The following GABRA3 variants were observed in gnomAD, a reference collection of about 807,000 sequenced individuals.
The protein encoded by GABRA3 is gamma-aminobutyric acid receptor subunit alpha-3.
Under a neutral mutation model 30.1 loss-of-function variants are expected in GABRA3, and 10 were observed. That is an observed-to-expected ratio of 0.33 (90% CI 0.20 to 0.56). GABRA3 has a LOEUF of 0.56. Ranked by LOEUF, GABRA3 falls within the 20% of genes least tolerant of loss-of-function variation. GABRA3 has a pLI of 0.89. For missense variants in GABRA3, 233 were observed against 392.0 expected (o/e 0.59, Z 3.42); for synonymous variants, 151 against 146.8 (o/e 1.03, Z -0.21).
At chrX:152,323,921 C>T (rs899787244) in intron 3 of GABRA3, among the ~76,000 whole-genome samples, 2 of 112,183 alleles carry the variant, frequency 1.8e-5, no homozygotes, top group African/African-American at 6.5e-5. Flanking sequence ...GCTTTGGAAA[C>T]TAGCCCTTTG....
chrX:152,425,362 A>G lies in GABRA3; in HGVS notation c.-27+25784T>C, dbSNP rs1034311519. 9.9e-5 allele frequency among the ~76,000 whole-genome samples: 11 copies of G among 110,851 alleles called. No individual in the cohort carries two copies. The Middle Eastern group carries it at 0.014, about 141-fold the overall frequency. ...TAGAATCCATATGTACGTTTCAACA[A>G]TTGTCCCAATAACGCTCTCTATAGT... On this transcript the variant is annotated intron_variant, in intron 1 of 9. Coordinates refer to ENST00000370314, the MANE Select transcript of GABRA3 (RefSeq NM_000808.4).
chrX:152,233,867 T>TA (rs1194398980), intron 5 of GABRA3, among the ~76,000 whole-genome samples: 2 of 106,467 alleles, frequency 1.9e-5, no homozygotes, highest in Admixed American at 1.0e-4. Flanking sequence ...TATGCAGCCA[T>TA]AAAAAAGGAT....
chrX:152,395,497 C>T (rs1020462679), intron 1 of GABRA3, among the ~76,000 whole-genome samples: 3 of 111,162 alleles, frequency 2.7e-5, no homozygotes, highest in African/African-American at 9.8e-5. Flanking sequence ...TCCATTCAGA[C>T]GCATGTCCCT....
chrX:152,328,346 T>C (rs1446034693), intron 3 of GABRA3, among the ~76,000 whole-genome samples: 1 of 111,739 alleles, frequency 8.9e-6, no homozygotes, highest in Admixed American at 9.5e-5. Context: ...CTAACTCATT[T>C]TATGGGGCTA....
At chrX:152,205,421 T>A (rs1937526702) in intron 7 of GABRA3, among the ~76,000 whole-genome samples, 1 of 111,919 alleles carries the variant, frequency 8.9e-6, no homozygotes, top group African/African-American at 3.2e-5. Context: ...AAAAGAAGGG[T>A]CTTTACAGTG....
chrX:152,440,127 G>A (rs1930885017), intron 1 of GABRA3, among the ~76,000 whole-genome samples: 1 of 111,803 alleles, frequency 8.9e-6, no homozygotes, highest in African/African-American at 3.3e-5. Context: ...CTATCCAACT[G>A]ACAAAGGGCT....
At chrX:152,234,178 C>T (rs1442552916) in intron 5 of GABRA3, among the ~76,000 whole-genome samples, 1 of 103,997 alleles carries the variant, frequency 9.6e-6, no homozygotes, top group African/African-American at 3.6e-5. Flanking sequence ...TACATGTACC[C>T]TAAAACTTAA....
At chrX:152,410,850 C>T (rs987696193) in intron 1 of GABRA3, among the ~76,000 whole-genome samples, 1 of 111,240 alleles carries the variant, frequency 9.0e-6, no homozygotes, top group Non-Finnish European at 1.9e-5. Context: ...TTAATAGAAA[C>T]TGTCCCTGGA....
chrX:152,213,688 T>C (rs940664296), intron 6 of GABRA3, among the ~76,000 whole-genome samples: 4 of 111,527 alleles, frequency 3.6e-5, no homozygotes, highest in African/African-American at 1.3e-4. Flanking sequence ...GGATATGATA[T>C]AAGATTGAGG....
intron 1 of GABRA3, among the ~76,000 whole-genome samples, chrX:152,384,968 C>G (rs1929259271): frequency 9.0e-6 from 1 of 111,563 alleles, no homozygotes. Flanking sequence ...AAAGGAAGGT[C>G]AAATTGTCAT....
At chrX:152,325,778 A>C (rs1278058482) in intron 3 of GABRA3, among the ~76,000 whole-genome samples, 1 of 111,719 alleles carries the variant, frequency 9.0e-6, no homozygotes, top group African/African-American at 3.3e-5. Context: ...AATTCTAAAA[A>C]TCAGAGCGCC....
chrX:152,377,901 G>T (rs1418960404), intron 1 of GABRA3, among the ~76,000 whole-genome samples: 1 of 111,803 alleles, frequency 8.9e-6, no homozygotes, highest in South Asian at 3.7e-4. Context: ...GACTGCAAGA[G>T]AGTTGCTTTA....
At chrX:152,187,260 C>T (rs750556177) in intron 9 of GABRA3, 6 of 111,399 alleles carry the variant, frequency 5.4e-5, no homozygotes, top group South Asian at 3.8e-4. Flanking sequence ...AGTAAGGGCT[C>T]GGAAGTGAAG....
intron 4 of GABRA3, among the ~76,000 whole-genome samples, chrX:152,261,933 G>A (rs752755873): frequency 2.7e-4 from 30 of 112,720 alleles, no homozygotes; most frequent in Non-Finnish European, 4.9e-4. Flanking sequence ...ACTTTTGCCT[G>A]GACATCCAGG....
chrX:152,450,573 G>A (rs1333522568), intron 1 of GABRA3, among the ~76,000 whole-genome samples: 4 of 110,530 alleles, frequency 3.6e-5, no homozygotes, highest in Non-Finnish European at 7.6e-5. Flanking sequence ...TTTAAAGGAA[G>A]CAGTTATTTA....
At chrX:152,328,800 T>C (rs1055980192) in intron 3 of GABRA3, among the ~76,000 whole-genome samples, 29 of 111,685 alleles carry the variant, frequency 2.6e-4, no homozygotes, top group Non-Finnish European at 4.1e-4. Flanking sequence ...AAGACAGGGA[T>C]GCCCTCTCTC....
chrX:152,288,542 T>A (rs1187705913), intron 3 of GABRA3, among the ~76,000 whole-genome samples: 1 of 112,448 alleles, frequency 8.9e-6, no homozygotes, highest in Non-Finnish European at 1.9e-5. Flanking sequence ...ATAGATCACA[T>A]GAGCCACCCA....
At position 152,341,966 on chromosome X, in the gene GABRA3, G is replaced by A. The variant is rs1167681973; in HGVS notation, c.262+3615C>T. Among the ~76,000 whole-genome samples, 5 of 110,782 alleles carry A rather than the reference G, an allele frequency of 4.5e-5. No individual in the cohort carries two copies. In the Admixed American group the frequency reaches 4.8e-4, roughly 11 times the overall value. On this transcript the variant is annotated intron_variant, in intron 3 of 9. Coordinates refer to ENST00000370314, the MANE Select transcript of GABRA3 (RefSeq NM_000808.4). ...CAGGTCACTGCAACCTCCGTCTCCC[G>A]GATTCAAGCAATTCTCCTGCCTCAG...
intron 3 of GABRA3, among the ~76,000 whole-genome samples, chrX:152,302,125 G>A (rs1160702901): frequency 1.8e-5 from 2 of 110,039 alleles, no homozygotes; most frequent in African/African-American, 6.6e-5. Flanking sequence ...CAGAAAGGGG[G>A]AAAAGATAAA....
Sources: allele counts gnomAD v4.1 joint callset (sites outside exome capture counted in the v4.1 genomes callset), GRCh38; gene constraint gnomAD v4.1.1; transcripts MANE v1.5; gene names NCBI Gene and HGNC (gene_info 2026-07-23, HGNC 2026-07-21).